SLC22A24: variants seen among roughly 807,000 people sequenced by gnomAD.
SLC22A24 encodes the protein steroid transmembrane transporter SLC22A24.
In SLC22A24, 53 loss-of-function variants were observed where a neutral mutation model predicts 49.8. The ratio of observed to expected loss-of-function variants is 1.06; its 90% confidence interval spans 0.85 to 1.34. SLC22A24 has a LOEUF of 1.34. SLC22A24 is among the 40% of genes most tolerant of loss of function. SLC22A24 has a pLI of 0.00. For synonymous variants in SLC22A24, 302 were observed against 256.4 expected (o/e 1.18, Z -1.70); for missense variants, 786 against 675.9 (o/e 1.16, Z -1.81).
At chr11:63,138,272 G>C (rs1019280622) in intron 1 of SLC22A24, among the ~76,000 whole-genome samples, 2 of 152,148 alleles carry the variant, frequency 1.3e-5, no homozygotes, top group Non-Finnish European at 2.9e-5. Flanking sequence ...CCACCATCCA[G>C]AGGACAGAAA....
chr11:63,093,473 A>G (rs1022144306), intron 6 of SLC22A24, among the ~76,000 whole-genome samples: 3 of 152,230 alleles, frequency 2.0e-5, no homozygotes, highest in Non-Finnish European at 4.4e-5. Context: ...CTAGATAAAG[A>G]AAATGTGGCA....
intron 2 of SLC22A24, among the ~76,000 whole-genome samples, chr11:63,120,910 T>C (rs963364400): frequency 6.6e-6 from 1 of 152,150 alleles, no homozygotes; most frequent in African/African-American, 2.4e-5. Flanking sequence ...GAAGGAATCA[T>C]TGGAAAACTG....
rs772474998 is a variant in SLC22A24 at position 63,143,649 on chromosome 11, G to A, written c.131C>T (p.Thr44Ile). The A allele has an allele frequency of 2.4e-4, 388 of 1,599,310 alleles. No individual in the cohort carries two copies. The highest frequency in any genetic ancestry group is 3.2e-4 in the Non-Finnish European group (378 of 1,173,336). Residue 44 changes from threonine (T) to isoleucine (I), a missense_variant, in exon 1 of 10, where the codon ACC becomes ATC. By Grantham distance (89) the Thr-to-Ile change is moderately conservative (BLOSUM62 -1). Transcript: ENST00000612278. ...GGGGACCCAGCAGCGATGACTAGGG[G>A]TGAATGCAGTGAAGTTCTCCAACAC... ...NIVLENFTAF[T>I]PSHRCWVPLL...
chr11:63,098,912 AG>A (rs2087072043), intron 5 of SLC22A24, among the ~76,000 whole-genome samples: 1 of 152,178 alleles, frequency 6.6e-6, no homozygotes, highest in African/African-American at 2.4e-5. Flanking sequence ...AAATAAAATC[AG>A]AAATGAAAAA....
intron 2 of SLC22A24, among the ~76,000 whole-genome samples, chr11:63,134,362 C>T (rs867635142): frequency 6.6e-6 from 1 of 152,160 alleles, no homozygotes; most frequent in African/African-American, 2.4e-5. Flanking sequence ...CTAACTCCTA[C>T]AAGTAAACCT....
At chr11:63,107,652 C>T (rs1356968612) in intron 4 of SLC22A24, among the ~76,000 whole-genome samples, 1 of 151,944 alleles carries the variant, frequency 6.6e-6, no homozygotes, top group Non-Finnish European at 1.5e-5. Flanking sequence ...CTGTCACATC[C>T]CTTGTAAGTT....
At chr11:63,083,536 A>T in intron 6 of SLC22A24, 79 bp from the exon 7 acceptor site, 1 of 1,178,226 alleles carries the variant, frequency 8.5e-7, no homozygotes, top group East Asian at 2.6e-5. Flanking sequence ...TTTGAAGGTA[A>T]GTCCTACAAA....
Position 63,139,460 on chromosome 11 carries a change from A to G in SLC22A24, c.402+3918T>C, listed in dbSNP as rs73497591. Among the ~76,000 whole-genome samples the G allele has an allele frequency of 5.7e-3, 870 of 152,270 alleles. 9 individuals carry two copies. The highest frequency in any genetic ancestry group is 0.019 in the African/African-American group (804 of 41,552). ...GGTGTGTAATAACTAGGTAGGAAAT[A>G]TACCTTAGGGGATGGCTAATAGTAG... On this transcript the variant is annotated intron_variant, in intron 1 of 9. Coordinates refer to ENST00000612278, the MANE Select transcript of SLC22A24 (RefSeq NM_001136506.2).
chr11:63,115,629 A>G (rs1388783560), intron 4 of SLC22A24, among the ~76,000 whole-genome samples: 31 of 152,280 alleles, frequency 2.0e-4, no homozygotes, highest in Non-Finnish European at 2.9e-5. Flanking sequence ...AAATGCAGAA[A>G]TCACCCATCT....
At chr11:63,110,657 G>A (rs376658508) in intron 4 of SLC22A24, among the ~76,000 whole-genome samples, 7 of 133,050 alleles carry the variant, frequency 5.3e-5, no homozygotes, top group South Asian at 2.8e-4. Context: ...TTTGTCTGTT[G>A]TTGGTGTATA....
chr11:63,138,631 G>T (rs2087392195), intron 1 of SLC22A24, among the ~76,000 whole-genome samples: 3 of 93,508 alleles, frequency 3.2e-5, no homozygotes, highest in South Asian at 4.4e-4. Context: ...AACAGAGCAA[G>T]ACTCTGTCTC....
At chr11:63,132,309 A>C (rs1418424466) in intron 2 of SLC22A24, among the ~76,000 whole-genome samples, 1 of 152,096 alleles carries the variant, frequency 6.6e-6, no homozygotes, top group Non-Finnish European at 1.5e-5. Context: ...TTCTTCATCC[A>C]GTTTTTTTCC....
At chr11:63,101,368 G>A (rs1416303417) in intron 5 of SLC22A24, among the ~76,000 whole-genome samples, 2 of 151,584 alleles carry the variant, frequency 1.3e-5, no homozygotes. Flanking sequence ...TTCAAAAGTT[G>A]CATATAATAT....
intron 2 of SLC22A24, among the ~76,000 whole-genome samples, chr11:63,127,043 T>C (rs1355527035): frequency 1.3e-5 from 2 of 152,194 alleles, no homozygotes; most frequent in African/African-American, 4.8e-5. Context: ...GTTTGTTACA[T>C]ATGTATACAC....
At chr11:63,111,707 A>AT (rs2087166378) in intron 4 of SLC22A24, among the ~76,000 whole-genome samples, 1 of 151,658 alleles carries the variant, frequency 6.6e-6, no homozygotes, top group South Asian at 2.1e-4. Context: ...CCCCTTTATC[A>AT]TTTTTTATTG....
At chr11:63,106,147 G>A (rs2087120375) in intron 4 of SLC22A24, among the ~76,000 whole-genome samples, 3 of 133,462 alleles carry the variant, frequency 2.2e-5, no homozygotes, top group East Asian at 2.2e-4. Flanking sequence ...TGTTCTCATT[G>A]TTCAATTCCC....
intron 4 of SLC22A24, among the ~76,000 whole-genome samples, chr11:63,110,249 A>C (rs2087153103): frequency 6.6e-6 from 1 of 151,996 alleles, no homozygotes; most frequent in Non-Finnish European, 1.5e-5. Flanking sequence ...TGGTTACTGT[A>C]GTCTTGTAGT....
chr11:63,113,135 TATAC>T (rs1320354764), intron 4 of SLC22A24, among the ~76,000 whole-genome samples: 1 of 11,978 alleles, frequency 8.3e-5, no homozygotes, highest in African/African-American at 1.7e-4. Context: ...TACATATATA[TATAC>T]ACATATATAT....
chr11:63,134,637 G>T (rs1420017345), intron 2 of SLC22A24, 28 bp downstream of exon 2: 4 of 1,264,918 alleles, frequency 3.2e-6, no homozygotes, highest in East Asian at 2.5e-5. Flanking sequence ...CTGATAAACA[G>T]CCCCAAAGAA....
Sources: gnomAD v4.1 joint callset for allele counts (sites outside exome capture counted in the v4.1 genomes callset) on GRCh38, gnomAD v4.1.1 for gene constraint, MANE v1.5 for transcripts, NCBI Gene and HGNC (gene_info 2026-07-23, HGNC 2026-07-21) for gene names.